Variants in INSL6 observed in about 807,000 individuals in gnomAD.
INSL6 encodes insulin like 6.
INSL6 carries 16 observed loss-of-function variants against 9.4 expected under a neutral mutation model. The observed-to-expected ratio is 1.70, with a 90% CI of 1.15 to 2.59. INSL6 has a LOEUF of 2.59. INSL6 is among the 30% of genes most tolerant of loss of function. The pLI is 0.00. For missense variants in INSL6, 391 were observed against 257.3 expected, an observed-to-expected ratio of 1.52 and a Z score of -3.56; for synonymous variants, 154 against 96.9, an observed-to-expected ratio of 1.59 and a Z score of -3.46.
the INSL6 span, among the ~76,000 whole-genome samples, chr9:5,028,372 C>A: frequency 6.6e-6 from 1 of 152,164 alleles, no homozygotes; most frequent in Admixed American, 6.5e-5. Context: ...TACAGATGTG[C>A]TATCTTCTAG....
At chr9:5,116,698 A>AAGAT in the INSL6 span, among the ~76,000 whole-genome samples, 6 of 152,238 alleles carry the variant, frequency 3.9e-5, no homozygotes, top group African/African-American at 1.4e-4. Context: ...TAGGGATATG[A>AAGAT]AGATAGGCTT....
At chr9:5,167,753 G>C (rs1341688119) in intron 1 of INSL6, among the ~76,000 whole-genome samples, 1 of 152,226 alleles carries the variant, frequency 6.6e-6, no homozygotes, top group Non-Finnish European at 1.5e-5. Context: ...CAGCCAGACT[G>C]CTTATTTAAG....
chr9:5,169,851 C>T (rs1825139432), intron 1 of INSL6, among the ~76,000 whole-genome samples: 1 of 152,140 alleles, frequency 6.6e-6, no homozygotes, highest in African/African-American at 2.4e-5. Context: ...TACAGGAGCA[C>T]CCAGATTCAT....
the INSL6 span, chr9:5,044,424 T>C: frequency 1.2e-6 from 2 of 1,611,672 alleles, no homozygotes; most frequent in East Asian, 2.2e-5. Context: ...CTCGTTGGTA[T>C]TGCAGTGGCA....
the INSL6 span, among the ~76,000 whole-genome samples, chr9:5,034,275 T>G: frequency 6.6e-6 from 1 of 151,650 alleles, no homozygotes; most frequent in Non-Finnish European, 1.5e-5. Context: ...GACTTAGACT[T>G]CCACACAATA....
At chr9:5,008,750 T>C in the INSL6 span, among the ~76,000 whole-genome samples, 85 of 152,350 alleles carry the variant, frequency 5.6e-4, no homozygotes, top group African/African-American at 1.9e-3. Context: ...TCAGCAGATC[T>C]TTTTAACATG....
downstream of INSL6, among the ~76,000 whole-genome samples, chr9:5,122,097 T>C (rs1355343257): frequency 1.3e-5 from 2 of 152,164 alleles, no homozygotes; most frequent in Non-Finnish European, 2.9e-5. Flanking sequence ...CAATAAGACC[T>C]GGAGTAGGCA....
At chr9:5,041,413 G>A in the INSL6 span, 1 of 630,564 alleles carries the variant, frequency 1.6e-6, no homozygotes, top group Admixed American at 2.2e-5. Context: ...TGGAGGTGCT[G>A]GGCCACATGT....
At chr9:5,056,262 A>G in the INSL6 span, among the ~76,000 whole-genome samples, 1 of 152,150 alleles carries the variant, frequency 6.6e-6, no homozygotes, top group Non-Finnish European at 1.5e-5. Context: ...ATTCTAAAAG[A>G]TTAACGCTTT....
chr9:5,014,164 CTTT>C, the INSL6 span, among the ~76,000 whole-genome samples: 38 of 117,536 alleles, frequency 3.2e-4, no homozygotes, highest in African/African-American at 1.1e-3. Flanking sequence ...TTTACTCTTT[CTTT>C]TTTTTTTTTT....
chr9:5,155,194 A>C (rs1166475324), intron 2 of INSL6, among the ~76,000 whole-genome samples: 1 of 151,986 alleles, frequency 6.6e-6, no homozygotes, highest in Non-Finnish European at 1.5e-5. Context: ...ATGAAGCTGG[A>C]AACCATCATT....
chr9:5,089,966 C>T, the INSL6 span: 1 of 687,568 alleles, frequency 1.5e-6, no homozygotes, highest in Non-Finnish European at 2.1e-6. Context: ...ATGCCAATGC[C>T]CAGAGGGAGA....
the INSL6 span, chr9:5,091,108 T>C: frequency 8.8e-6 from 4 of 455,064 alleles, no homozygotes; most frequent in East Asian, 1.5e-4. Flanking sequence ...ATATGCTTTA[T>C]TTCTATTAAG....
the INSL6 span, among the ~76,000 whole-genome samples, chr9:5,016,443 G>A: frequency 0.01 from 1,559 of 152,204 alleles, 20 homozygotes; most frequent in African/African-American, 0.036. Context: ...GGTGCAATGA[G>A]CCTGCAAACC....
the INSL6 span, among the ~76,000 whole-genome samples, chr9:5,083,618 G>C: frequency 1.3e-5 from 2 of 151,828 alleles, no homozygotes; most frequent in African/African-American, 2.4e-5. Context: ...AGTTCCTTTA[G>C]ATCCCAATAG....
At chr9:5,053,958 CAG>C in the INSL6 span, among the ~76,000 whole-genome samples, 1 of 151,824 alleles carries the variant, frequency 6.6e-6, no homozygotes, top group East Asian at 1.9e-4. Flanking sequence ...CTTAGAAGCA[CAG>C]AAATAAATTA....
the INSL6 span, among the ~76,000 whole-genome samples, chr9:5,058,158 C>T: frequency 6.6e-6 from 1 of 152,116 alleles, no homozygotes; most frequent in Non-Finnish European, 1.5e-5. Context: ...CATGGGTGTA[C>T]AAATATCTCT....
At chr9:5,110,246 C>G in the INSL6 span, 2 of 152,196 alleles carry the variant, frequency 1.3e-5, no homozygotes, top group Non-Finnish European at 2.9e-5. Flanking sequence ...TCCTGCTCAT[C>G]CGCTTCTACC....
intron 2 of INSL6, among the ~76,000 whole-genome samples, chr9:5,148,164 G>A (rs1459064678): frequency 6.6e-6 from 1 of 152,126 alleles, no homozygotes; most frequent in East Asian, 1.9e-4. Flanking sequence ...TGGGAGAGCT[G>A]GTATTCCTTC....
Sources: allele counts gnomAD v4.1 joint callset (sites outside exome capture counted in the v4.1 genomes callset), GRCh38; gene constraint gnomAD v4.1.1; transcripts MANE v1.5; gene names NCBI Gene and HGNC (gene_info 2026-07-23, HGNC 2026-07-21).